The following COL21A1 variants were observed in gnomAD, a reference collection of about 807,000 sequenced individuals.
The protein encoded by COL21A1 is collagen type XXI alpha 1 chain.
COL21A1 carries 149 observed loss-of-function variants against 137.9 expected under a neutral mutation model. The ratio of observed to expected loss-of-function variants is 1.08; its 90% CI spans 0.95 to 1.24. The LOEUF is 1.24. Among genes scored for constraint, COL21A1 ranks in the 50% most tolerant of loss-of-function variants. COL21A1 has a pLI of 0.00. For synonymous variants in COL21A1, 456 were observed against 391.5 expected (o/e 1.16, Z -1.95); for missense variants, 1,167 against 1,158.4 (o/e 1.01, Z -0.11).
At chr6:56,234,599 G>T (rs1198146246) in intron 1 of COL21A1, among the ~76,000 whole-genome samples, 1 of 151,560 alleles carries the variant, frequency 6.6e-6, no homozygotes, top group African/African-American at 2.4e-5. Flanking sequence ...TACACATTTA[G>T]GATTTTTTTT....
intron 1 of COL21A1, among the ~76,000 whole-genome samples, chr6:56,357,742 TC>T (rs572440002): frequency 2.0e-5 from 3 of 152,180 alleles, no homozygotes; most frequent in Non-Finnish European, 4.4e-5. Flanking sequence ...GGAGTTTGGG[TC>T]CTGGTTATTC....
chr6:56,261,477 GC>G (rs1763274227), intron 1 of COL21A1, among the ~76,000 whole-genome samples: 1 of 152,102 alleles, frequency 6.6e-6, no homozygotes, highest in Admixed American at 6.6e-5. Flanking sequence ...TGGGATTAGT[GC>G]CCACCTAAAA....
intron 16 of COL21A1, among the ~76,000 whole-genome samples, chr6:56,122,335 T>C (rs1772623897): frequency 6.6e-6 from 1 of 150,884 alleles, no homozygotes; most frequent in African/African-American, 2.4e-5. Flanking sequence ...TTCTTTGAGA[T>C]GGAGTCTGGC....
At chr6:56,190,613 C>T (rs1582601306) in intron 1 of COL21A1, among the ~76,000 whole-genome samples, 1 of 152,122 alleles carries the variant, frequency 6.6e-6, no homozygotes, top group African/African-American at 2.4e-5. Context: ...ATCCTGATAC[C>T]AAAACCTGGC....
At chr6:56,388,513 G>C (rs1482349010) in intron 1 of COL21A1, among the ~76,000 whole-genome samples, 2 of 152,328 alleles carry the variant, frequency 1.3e-5, no homozygotes, top group Middle Eastern at 3.4e-3. Context: ...GTCCAATGTT[G>C]TGCCTCTAGG....
At chr6:56,106,025 C>T (rs1399370305) in intron 16 of COL21A1, among the ~76,000 whole-genome samples, 3 of 152,132 alleles carry the variant, frequency 2.0e-5, no homozygotes, top group Admixed American at 6.5e-5. Context: ...AGTATGGCTA[C>T]GGAGGAAAAA....
At chr6:56,119,233 G>T (rs766851775) in intron 16 of COL21A1, among the ~76,000 whole-genome samples, 3 of 152,008 alleles carry the variant, frequency 2.0e-5, no homozygotes, top group Non-Finnish European at 2.9e-5. Context: ...AAAGTTGCAG[G>T]ATACAAAGTC....
chr6:56,059,183 C>A lies in COL21A1; in HGVS notation c.2668G>T (p.Gly890Cys), dbSNP rs1240981411. The change falls in exon 29 of 30, where the codon GGT (glycine) becomes TGT (cysteine). Residue 890 changes from glycine (G) to cysteine (C), a missense_variant. By Grantham distance (159) the Gly-to-Cys change is radical. Transcript: ENST00000244728. ...SQGFGYPGEQGPPGPPGPEGP... is the reference protein window; with the variant it reads ...SQGFGYPGEQCPPGPPGPEGP... Reference sequence around the variant, plus strand: ...TTCTCACCTGGGGGACCAGGAGGACCTTGTTCTCCAGGATACCCAAACCCT... The same window carrying A: ...TTCTCACCTGGGGGACCAGGAGGACATTGTTCTCCAGGATACCCAAACCCT... 6.2e-7 allele frequency: 1 copy of A among 1,612,014 alleles called. No homozygotes were observed. Among genetic ancestry groups the A allele is most frequent in the East Asian group, 2.2e-5 (1 of 44,762 alleles).
At chr6:56,159,809 T>C (rs1231900206) in intron 9 of COL21A1, among the ~76,000 whole-genome samples, 1 of 152,164 alleles carries the variant, frequency 6.6e-6, no homozygotes, top group Admixed American at 6.5e-5. Flanking sequence ...ATCTCTATCA[T>C]CATCAGGCTG....
chr6:56,060,458 T>C, intron 27 of COL21A1: 1 of 508,082 alleles, frequency 2.0e-6, no homozygotes, highest in Non-Finnish European at 3.4e-6. Context: ...CCAAAAGAAA[T>C]TGGTGGACTA....
At chr6:56,059,021 G>T in intron 29 of COL21A1, 144 bp downstream of exon 29, 1 of 644,520 alleles carries the variant, frequency 1.6e-6, no homozygotes. Context: ...AAATATTCCA[G>T]AAGTTAGACT....
At chr6:56,391,026 T>A (rs2094028731) in intron 1 of COL21A1, among the ~76,000 whole-genome samples, 1 of 152,176 alleles carries the variant, frequency 6.6e-6, no homozygotes, top group Non-Finnish European at 1.5e-5. Context: ...CACATTCTTC[T>A]CCTCTGCTTA....
chr6:56,270,713 G>A (rs1352391750), intron 1 of COL21A1, among the ~76,000 whole-genome samples: 2 of 152,278 alleles, frequency 1.3e-5, no homozygotes, highest in East Asian at 1.9e-4. Context: ...CTGAAACATA[G>A]GGGTGGTTTC....
chr6:56,376,834 C>T, intron 1 of COL21A1, among the ~76,000 whole-genome samples: 1 of 84,110 alleles, frequency 1.2e-5, no homozygotes, highest in Non-Finnish European at 2.1e-5. Flanking sequence ...CGCCCACCCC[C>T]CACCCCCCCC....
intron 1 of COL21A1, among the ~76,000 whole-genome samples, chr6:56,290,098 T>C (rs533132150): frequency 2.3e-4 from 35 of 152,288 alleles, no homozygotes; most frequent in Non-Finnish European, 3.7e-4. Context: ...AGGTCCCTTC[T>C]TCAGCCTCTT....
At chr6:56,262,131 T>C (rs557115096) in intron 1 of COL21A1, among the ~76,000 whole-genome samples, 1 of 152,334 alleles carries the variant, frequency 6.6e-6, no homozygotes, top group East Asian at 1.9e-4. Context: ...CCCTAGGCTT[T>C]CAAATATGTT....
chr6:56,065,064 G>GT (rs1766123851), intron 23 of COL21A1, among the ~76,000 whole-genome samples: 1 of 149,600 alleles, frequency 6.7e-6, no homozygotes, highest in Non-Finnish European at 1.5e-5. Context: ...TCACATTTTA[G>GT]TAAAAAAAAA....
intron 1 of COL21A1, among the ~76,000 whole-genome samples, chr6:56,280,179 C>G (rs961679101): frequency 6.6e-6 from 1 of 152,198 alleles, no homozygotes; most frequent in Non-Finnish European, 1.5e-5. Context: ...AAGGACTCAT[C>G]TAGGACACCT....
At chr6:56,174,039 T>C (rs993390733) in intron 3 of COL21A1, among the ~76,000 whole-genome samples, 1 of 152,108 alleles carries the variant, frequency 6.6e-6, no homozygotes, top group African/African-American at 2.4e-5. Flanking sequence ...GGAGGAAAAT[T>C]GAAAAATTCA....
Sources: gnomAD v4.1 joint callset for allele counts (sites outside exome capture counted in the v4.1 genomes callset) on GRCh38, gnomAD v4.1.1 for gene constraint, MANE v1.5 for transcripts, NCBI Gene and HGNC (gene_info 2026-07-23, HGNC 2026-07-21) for gene names.